The following MAPT variants were observed in gnomAD, a reference collection of about 807,000 sequenced individuals.
MAPT encodes the protein microtubule associated protein tau.
A neutral mutation model predicts 67.9 loss-of-function variants in MAPT; 34 were observed. The observed-to-expected ratio is 0.50, with a 90% CI of 0.38 to 0.67. The LOEUF is 0.67. Among genes scored for constraint, MAPT ranks in the 30% least tolerant of loss-of-function variants. MAPT has a pLI of 0.00. For synonymous variants in MAPT, 456 were observed against 464.5 expected (o/e 0.98, Z 0.23); for missense variants, 881 against 1,115.2 (o/e 0.79, Z 2.99).
intron 8 of MAPT, among the ~76,000 whole-genome samples, chr17:45,994,848 A>G (rs541283847): frequency 6.6e-6 from 1 of 152,214 alleles, no homozygotes; most frequent in Non-Finnish European, 1.5e-5. Context: ...TTTACTGAAA[A>G]TACAAAAATC....
intron 3 of MAPT, chr17:45,975,764 A>G (rs1475914691): frequency 6.6e-6 from 1 of 152,222 alleles, no homozygotes; most frequent in Non-Finnish European, 1.5e-5. Context: ...CAAAGCTTCT[A>G]ACTCCATTCA....
intron 2 of MAPT, among the ~76,000 whole-genome samples, chr17:45,969,890 T>C (rs1465690346): frequency 6.6e-6 from 1 of 151,736 alleles, no homozygotes; most frequent in East Asian, 2.0e-4. Flanking sequence ...CCTTCCTCCA[T>C]CCATCCCATT....
chr17:46,003,315 G>T (rs983255744), intron 9 of MAPT, among the ~76,000 whole-genome samples: 2 of 151,880 alleles, frequency 1.3e-5, no homozygotes, highest in African/African-American at 4.8e-5. Context: ...GTCTCACTCT[G>T]TCACCCAGGC....
chr17:46,018,557 G>T, intron 11 of MAPT, 61 bp from the exon 12 acceptor site: 2 of 1,253,470 alleles, frequency 1.6e-6, no homozygotes, highest in East Asian at 4.6e-5. Flanking sequence ...TGTAATGTAT[G>T]TTAAGTCCAC....
chr17:45,907,094 C>T (rs1442766911), intron 1 of MAPT, among the ~76,000 whole-genome samples: 1 of 152,162 alleles, frequency 6.6e-6, no homozygotes, highest in South Asian at 2.1e-4. Flanking sequence ...CCATGGGCAT[C>T]GCCTGCTAAG....
chr17:45,926,394 G>C (rs1462188971), intron 1 of MAPT, among the ~76,000 whole-genome samples: 1 of 151,810 alleles, frequency 6.6e-6, no homozygotes, highest in Non-Finnish European at 1.5e-5. Flanking sequence ...CTTCAAACTT[G>C]ACCTCCCGGG....
intron 11 of MAPT, among the ~76,000 whole-genome samples, chr17:46,014,646 G>A (rs1383595078): frequency 6.6e-6 from 1 of 152,178 alleles, no homozygotes; most frequent in African/African-American, 2.4e-5. Context: ...AGGCCAAGGT[G>A]GGTGGATCAT....
Position 45,982,942 on chromosome 17 carries a change from G to C in MAPT, c.363G>C (p.Gln121His), listed in dbSNP as rs1294730744. 1 of 1,422,746 alleles carries C rather than the reference G, an allele frequency of 7.0e-7. No homozygotes were observed. Among genetic ancestry groups the C allele is most frequent in the Non-Finnish European group, 9.2e-7 (1 of 1,092,148 alleles). 88.1% of individuals were successfully genotyped at this position (1,422,746 alleles called of 1,614,324 possible). ...CCAATGAGATTAGCGCCCACGTCCAGCCTGGACCCTGCGGAGAGGCCTCTG... is the reference window on the plus strand; with the variant it reads ...CCAATGAGATTAGCGCCCACGTCCACCCTGGACCCTGCGGAGAGGCCTCTG... ...PLANEISAHV[Q>H]PGPCGEASGV... Residue 121 changes from glutamine to histidine, a missense_variant, in exon 5 of 13, where the codon CAG (glutamine) becomes CAC (histidine). Physicochemically the swap from Gln to His is conservative, Grantham distance 24 (BLOSUM62 0). Transcript: ENST00000262410.
At chr17:45,952,288 G>A (rs1296867147) in intron 1 of MAPT, among the ~76,000 whole-genome samples, 1 of 152,118 alleles carries the variant, frequency 6.6e-6, no homozygotes, top group African/African-American at 2.4e-5. Flanking sequence ...GGGCAGCAGG[G>A]GTCAGAGATG....
chr17:45,947,139 C>T (rs533263914), intron 1 of MAPT, among the ~76,000 whole-genome samples: 10 of 152,164 alleles, frequency 6.6e-5, no homozygotes, highest in African/African-American at 2.4e-4. Context: ...TGCAATGTGA[C>T]CAGAGCTCAC....
In MAPT at chr17:45,983,663, C is replaced by T. The variant is rs768989104; in HGVS notation, c.1084C>T (p.Pro362Ser). 3 of 1,614,048 alleles carry T rather than the reference C, an allele frequency of 1.9e-6. No homozygotes were observed. Among genetic ancestry groups the T allele is most frequent in the South Asian group, 1.1e-5 (1 of 91,082 alleles). ...GATCCCAGCCTCAGAGCCCGACGGG[C>T]CCAGTGTAGGGCGGGCCAAAGGGCA... ...TEIPASEPDG[P>S]SVGRAKGQDA... Residue 362 changes from proline (P) to serine (S), a missense_variant, in exon 5 of 13, where the codon CCC becomes TCC. By Grantham distance (74) the Pro-to-Ser change is moderately conservative. Transcript: ENST00000262410.
At chr17:45,960,402 G>A (rs935624648) in intron 1 of MAPT, among the ~76,000 whole-genome samples, 1 of 152,390 alleles carries the variant, frequency 6.6e-6, no homozygotes, top group Admixed American at 6.5e-5. Flanking sequence ...CATAGAGGAA[G>A]AGGGGTTCAA....
intron 5 of MAPT, among the ~76,000 whole-genome samples, chr17:45,986,576 C>T (rs1254021542): frequency 3.9e-5 from 6 of 152,344 alleles, no homozygotes; most frequent in Admixed American, 3.9e-4. Flanking sequence ...ATCCTTGGAT[C>T]TTGCAGGAGG....
intron 2 of MAPT, among the ~76,000 whole-genome samples, chr17:45,969,542 G>A (rs530483424): frequency 4.8e-5 from 7 of 144,494 alleles, no homozygotes; most frequent in African/African-American, 1.6e-4. Flanking sequence ...TTCTTCCCTC[G>A]GTTCATCCAT....
chr17:45,998,598 T>A (rs1364262374), intron 9 of MAPT, among the ~76,000 whole-genome samples: 1 of 152,190 alleles, frequency 6.6e-6, no homozygotes, highest in African/African-American at 2.4e-5. Flanking sequence ...GGCCTTTTCC[T>A]GCTCAGGCAT....
chr17:46,022,622 C>T (rs989560385), intron 12 of MAPT, among the ~76,000 whole-genome samples: 5 of 152,070 alleles, frequency 3.3e-5, no homozygotes, highest in Non-Finnish European at 7.4e-5. Context: ...GAGCCTAGGA[C>T]CCAAAAAGGG....
At chr17:45,959,790 A>AG (rs1159920401) in intron 1 of MAPT, among the ~76,000 whole-genome samples, 17 of 152,290 alleles carry the variant, frequency 1.1e-4, no homozygotes, top group Non-Finnish European at 1.6e-4. Flanking sequence ...TAAAAAAAAA[A>AG]AATTATGGAC....
Position 45,991,177 on chromosome 17 carries a change from G to A in MAPT, c.1606-283G>A, listed in dbSNP as rs62063798. 0.14 allele frequency among the ~76,000 whole-genome samples: 22,077 copies of A among 152,274 alleles called. 2,146 individuals carry two copies. The highest frequency in any genetic ancestry group is 0.22 in the Non-Finnish European group (14,751 of 68,002). On this transcript the variant is annotated intron_variant, in intron 7 of 12. Coordinates refer to ENST00000262410, the MANE Select transcript of MAPT (RefSeq NM_001377265.1). ...TGGAGAGTGACCTGATCATTGCTGT[G>A]AGCTCTGCTGGCCTTGGCACAACTC...
chr17:45,910,291 G>A (rs2064673285), intron 1 of MAPT, among the ~76,000 whole-genome samples: 1 of 152,156 alleles, frequency 6.6e-6, no homozygotes, highest in Non-Finnish European at 1.5e-5. Flanking sequence ...GCCTGTGAGT[G>A]AAAAATTCCT....
Sources: allele counts gnomAD v4.1 joint callset (sites outside exome capture counted in the v4.1 genomes callset), GRCh38; gene constraint gnomAD v4.1.1; transcripts MANE v1.5; gene names NCBI Gene and HGNC (gene_info 2026-07-23, HGNC 2026-07-21).